SNTG1: variants seen among roughly 807,000 people sequenced by gnomAD.
SNTG1 encodes the protein gamma-1-syntrophin.
In SNTG1, 39 loss-of-function variants were observed where a neutral mutation model predicts 74.7. The ratio of observed to expected loss-of-function variants is 0.52; its 90% CI spans 0.40 to 0.68. SNTG1 has a LOEUF of 0.68. Among genes scored for constraint, SNTG1 ranks in the 30% least tolerant of loss-of-function variants. SNTG1 has a pLI of 0.00. For missense variants in SNTG1, 685 were observed against 609.5 expected (o/e 1.12, Z -1.30); for synonymous variants, 254 against 217.1 (o/e 1.17, Z -1.49).
intron 9 of SNTG1, among the ~76,000 whole-genome samples, chr8:50,508,358 G>A (rs1236039347): frequency 6.6e-6 from 1 of 152,044 alleles, no homozygotes; most frequent in Non-Finnish European, 1.5e-5. Flanking sequence ...CTTTGCTATT[G>A]TGAATAGTGC....
At chr8:50,489,855 C>A (rs182914234) in intron 8 of SNTG1, among the ~76,000 whole-genome samples, 15 of 152,210 alleles carry the variant, frequency 9.9e-5, no homozygotes, top group African/African-American at 3.1e-4. Flanking sequence ...ATGCCTATGT[C>A]CTGACTGGTA....
intron 2 of SNTG1, among the ~76,000 whole-genome samples, chr8:50,324,693 A>T (rs2090667673): frequency 6.6e-6 from 1 of 151,926 alleles, no homozygotes; most frequent in Admixed American, 6.6e-5. Context: ...TCCCCAATAT[A>T]TGGCTTCTCT....
rs879341365 is a variant in SNTG1 at position 50,510,124 on chromosome 8, AG to A, written c.466+7247del. Reference sequence around the variant, plus strand: ...AATTTATTGAGAGTTTTTAGCATGAAGGGTTGTTGAATTTTGTCAAAGGCCT... The same window carrying A: ...AATTTATTGAGAGTTTTTAGCATGAAGGTTGTTGAATTTTGTCAAAGGCCT... On this transcript the variant is annotated intron_variant, in intron 9 of 18. Coordinates refer to ENST00000642720, the MANE Select transcript of SNTG1 (RefSeq NM_018967.5). Among the ~76,000 whole-genome samples, 11 of 152,232 alleles carry A rather than the reference AG, an allele frequency of 7.2e-5. No individual in the cohort carries two copies. In the South Asian group the frequency reaches 1.0e-3, roughly 14 times the overall value.
chr8:50,611,156 C>T (rs1281694366), intron 13 of SNTG1, among the ~76,000 whole-genome samples: 1 of 152,104 alleles, frequency 6.6e-6, no homozygotes, highest in Non-Finnish European at 1.5e-5. Flanking sequence ...GTTATATGTA[C>T]AAGAATGCCT....
chr8:50,626,182 A>G (rs2094955083), intron 13 of SNTG1, among the ~76,000 whole-genome samples: 1 of 152,180 alleles, frequency 6.6e-6, no homozygotes, highest in Admixed American at 6.5e-5. Flanking sequence ...AACTTCCTTT[A>G]TATAACACTC....
chr8:50,456,532 G>T (rs2093507426), intron 8 of SNTG1, among the ~76,000 whole-genome samples: 1 of 152,056 alleles, frequency 6.6e-6, no homozygotes, highest in African/African-American at 2.4e-5. Flanking sequence ...CTGGGTGGGT[G>T]CTCACATGGC....
intron 2 of SNTG1, among the ~76,000 whole-genome samples, chr8:50,293,625 G>T (rs553665795): frequency 4.6e-5 from 7 of 152,056 alleles, no homozygotes; most frequent in African/African-American, 1.4e-4. Context: ...GGTCAGTTTG[G>T]TCTTGAACTC....
intron 1 of SNTG1, among the ~76,000 whole-genome samples, chr8:49,931,313 G>T (rs1316636159): frequency 6.6e-6 from 1 of 152,170 alleles, no homozygotes; most frequent in Non-Finnish European, 1.5e-5. Flanking sequence ...ACTGTACCCT[G>T]AAGAAACCCT....
chr8:50,727,977 G>A (rs1225649732), intron 17 of SNTG1, among the ~76,000 whole-genome samples: 1 of 152,156 alleles, frequency 6.6e-6, no homozygotes, highest in Non-Finnish European at 1.5e-5. Context: ...GTGTTTAGAA[G>A]CACCAGAAAG....
At chr8:50,741,927 A>G (rs2131665772) in intron 17 of SNTG1, among the ~76,000 whole-genome samples, 1 of 152,108 alleles carries the variant, frequency 6.6e-6, no homozygotes, top group Middle Eastern at 3.4e-3. Context: ...TCTGCAAGAC[A>G]CTGTAATGGT....
At chr8:50,687,959 T>G (rs1464997956) in intron 15 of SNTG1, among the ~76,000 whole-genome samples, 1 of 152,154 alleles carries the variant, frequency 6.6e-6, no homozygotes, top group East Asian at 1.9e-4. Context: ...TCACTGGTGT[T>G]AGATGGTATC....
At chr8:50,417,304 C>T (rs2093026907) in intron 4 of SNTG1, among the ~76,000 whole-genome samples, 1 of 152,108 alleles carries the variant, frequency 6.6e-6, no homozygotes, top group Non-Finnish European at 1.5e-5. Context: ...TTATCTTACT[C>T]TGTAGACTGT....
chr8:50,171,203 A>ATC (rs1167132850), intron 1 of SNTG1, among the ~76,000 whole-genome samples: 1 of 152,160 alleles, frequency 6.6e-6, no homozygotes, highest in Non-Finnish European at 1.5e-5. Context: ...GGACAGGACT[A>ATC]ATAGGAAATA....
At chr8:50,193,710 G>T (rs2083662119) in intron 2 of SNTG1, among the ~76,000 whole-genome samples, 1 of 152,108 alleles carries the variant, frequency 6.6e-6, no homozygotes, top group Admixed American at 6.6e-5. Context: ...GTACTTTGTT[G>T]AAGAAGAGTA....
intron 1 of SNTG1, among the ~76,000 whole-genome samples, chr8:49,971,192 C>T (rs1467646550): frequency 1.3e-5 from 2 of 152,144 alleles, no homozygotes; most frequent in African/African-American, 4.8e-5. Flanking sequence ...GGCTTCATCC[C>T]TGGTTTGCAA....
intron 1 of SNTG1, among the ~76,000 whole-genome samples, chr8:50,093,738 A>C (rs1389833673): frequency 1.3e-5 from 2 of 152,170 alleles, no homozygotes; most frequent in Non-Finnish European, 1.5e-5. Flanking sequence ...TAGACTGTTA[A>C]AAAATTGTGA....
At chr8:50,372,535 T>G (rs1390919914) in intron 2 of SNTG1, among the ~76,000 whole-genome samples, 1 of 152,164 alleles carries the variant, frequency 6.6e-6, no homozygotes, top group African/African-American at 2.4e-5. Flanking sequence ...AATATGCATT[T>G]TAATTATTAC....
intron 2 of SNTG1, among the ~76,000 whole-genome samples, chr8:50,305,978 A>T (rs535290101): frequency 6.6e-6 from 1 of 151,892 alleles, no homozygotes; most frequent in East Asian, 1.9e-4. Flanking sequence ...TTTGTAATGA[A>T]TTCTGTGATT....
intron 1 of SNTG1, among the ~76,000 whole-genome samples, chr8:49,956,075 A>G (rs1431796071): frequency 2.0e-5 from 3 of 152,340 alleles, no homozygotes; most frequent in African/African-American, 4.8e-5. Context: ...TGTTACATAC[A>G]TCAATTGCTA....
Sources: gnomAD v4.1 joint callset for allele counts (sites outside exome capture counted in the v4.1 genomes callset) on GRCh38, gnomAD v4.1.1 for gene constraint, MANE v1.5 for transcripts, NCBI Gene and HGNC (gene_info 2026-07-23, HGNC 2026-07-21) for gene names.